The following IPO11 variants were observed in gnomAD, a reference collection of about 807,000 sequenced individuals.
IPO11 encodes the protein importin 11, also known as importin-11.
IPO11 carries 66 observed loss-of-function variants against 143.2 expected under a neutral mutation model. That is an observed-to-expected ratio of 0.46 (90% confidence interval 0.38 to 0.57). IPO11 has a LOEUF of 0.57. Ranked by LOEUF, IPO11 falls within the 20% of genes least tolerant of loss-of-function variation. IPO11 has a pLI of 0.00. For missense variants in IPO11, 1,026 were observed against 1,141.0 expected (o/e 0.90, Z 1.45); for synonymous variants, 385 against 377.8 (o/e 1.02, Z -0.22).
At chr5:62,487,717 G>T (rs1746461792) in intron 12 of IPO11, 54 bp from the exon 13 acceptor site, 1 of 1,402,782 alleles carries the variant, frequency 7.1e-7, no homozygotes, top group Non-Finnish European at 9.4e-7. Flanking sequence ...TAAAGAATTA[G>T]TCAATATAGT....
At chr5:62,435,750 C>T (rs1000067836) in intron 1 of IPO11, among the ~76,000 whole-genome samples, 1 of 151,614 alleles carries the variant, frequency 6.6e-6, no homozygotes. Flanking sequence ...TCAATCTGGC[C>T]GGGCATGGTG....
At chr5:62,589,254 GCTT>G (rs1744924149) in intron 27 of IPO11, among the ~76,000 whole-genome samples, 1 of 152,082 alleles carries the variant, frequency 6.6e-6, no homozygotes, top group Non-Finnish European at 1.5e-5. Flanking sequence ...CCCTGGACAA[GCTT>G]CTTGAAAGAA....
intron 9 of IPO11, among the ~76,000 whole-genome samples, chr5:62,478,047 C>T (rs1265558301): frequency 6.6e-6 from 1 of 152,112 alleles, no homozygotes; most frequent in African/African-American, 2.4e-5. Flanking sequence ...CTTACTTTGT[C>T]TGTGTGCTGC....
intron 29 of IPO11, among the ~76,000 whole-genome samples, chr5:62,613,609 C>T (rs1250627507): frequency 1.3e-5 from 2 of 152,082 alleles, no homozygotes; most frequent in South Asian, 4.1e-4. Flanking sequence ...GGCACACATG[C>T]TCTTCTTAAA....
At chr5:62,618,909 T>C (rs1746242997) in intron 29 of IPO11, among the ~76,000 whole-genome samples, 1 of 152,196 alleles carries the variant, frequency 6.6e-6, no homozygotes, top group African/African-American at 2.4e-5. Flanking sequence ...ATCAGTCTTT[T>C]TTTTTATGTA....
intron 6 of IPO11, among the ~76,000 whole-genome samples, chr5:62,469,206 G>A (rs1042739203): frequency 1.3e-5 from 2 of 152,168 alleles, no homozygotes; most frequent in Non-Finnish European, 2.9e-5. Flanking sequence ...CTTGTGGTGA[G>A]AAAGCATATC....
chr5:62,472,509 A>G (rs26630), intron 7 of IPO11, among the ~76,000 whole-genome samples: 102,559 of 150,160 alleles, frequency 0.68, 35,296 homozygotes, highest in African/African-American at 0.75. Flanking sequence ...TAAAGACAAC[A>G]TTTCAAATAA....
chr5:62,501,222 A>AT (rs887810731), intron 16 of IPO11, among the ~76,000 whole-genome samples: 21 of 151,038 alleles, frequency 1.4e-4, no homozygotes, highest in African/African-American at 4.1e-4. Context: ...ACACTCTCTA[A>AT]TTTTTTTTTC....
intron 24 of IPO11, among the ~76,000 whole-genome samples, chr5:62,543,663 G>T (rs1180296573): frequency 6.6e-6 from 1 of 152,000 alleles, no homozygotes; most frequent in Non-Finnish European, 1.5e-5. Flanking sequence ...TTTTTTGAAG[G>T]GTTTTTTGTG....
Position 62,530,741 on chromosome 5 carries a change from C to T in IPO11, c.2045C>T (p.Thr682Ile). Residue 682 changes from threonine (T) to isoleucine (I), a missense_variant, in exon 22 of 30, where the codon ACA becomes ATA. Transcript: ENST00000325324. ...LVTLENSPCI[T>I]PELLRIFQNM... is the part of the protein sequence containing the mutation. ...ACTTTGGAAAACAGTCCATGTATTA[C>T]ACCAGAGTTGCTTCGTATATTTCAG... 1.2e-6 allele frequency: 2 copies of T among 1,612,992 alleles called. No individual in the cohort carries two copies. The highest frequency in any genetic ancestry group is 1.7e-6 in the Non-Finnish European group (2 of 1,179,280).
At chr5:62,577,339 G>T (rs369624) in intron 27 of IPO11, among the ~76,000 whole-genome samples, 13,727 of 151,998 alleles carry the variant, frequency 0.09, 676 homozygotes, top group East Asian at 0.14. Flanking sequence ...TTTTACCTTT[G>T]CATCCTAATA....
intron 7 of IPO11, among the ~76,000 whole-genome samples, 154 bp from the exon 8 acceptor site, chr5:62,474,262 G>A (rs746061516): frequency 4.7e-4 from 71 of 152,146 alleles, no homozygotes; most frequent in Non-Finnish European, 8.7e-4. Flanking sequence ...GTTTATAATA[G>A]TGAACTGTTT....
chr5:62,505,267 G>A (rs964628794), intron 18 of IPO11, among the ~76,000 whole-genome samples: 1 of 151,762 alleles, frequency 6.6e-6, no homozygotes, highest in African/African-American at 2.4e-5. Context: ...TCTTTATCCT[G>A]TCCTACACAC....
chr5:62,582,594 A>G (rs1251746718), intron 27 of IPO11, among the ~76,000 whole-genome samples: 1 of 152,216 alleles, frequency 6.6e-6, no homozygotes, highest in African/African-American at 2.4e-5. Flanking sequence ...CTGGAAATGT[A>G]TGATGCACCC....
chr5:62,559,706 C>T (rs1163207889), intron 26 of IPO11, among the ~76,000 whole-genome samples: 1 of 151,626 alleles, frequency 6.6e-6, no homozygotes, highest in Admixed American at 6.6e-5. Context: ...CACCTTAGGT[C>T]CGGAGTTTGA....
At chr5:62,515,529 T>C in intron 20 of IPO11, 28 bp downstream of exon 20, 2 of 1,456,408 alleles carry the variant, frequency 1.4e-6, no homozygotes, top group East Asian at 4.7e-5. Flanking sequence ...AGAGTTTTTT[T>C]AGTTTAGTGG....
At chr5:62,586,677 G>C (rs1744784299) in intron 27 of IPO11, among the ~76,000 whole-genome samples, 1 of 147,990 alleles carries the variant, frequency 6.8e-6, no homozygotes, top group African/African-American at 2.5e-5. Flanking sequence ...TTTGAACCCA[G>C]GAGGTGGAGA....
At chr5:62,464,016 G>A (rs369910576) in intron 5 of IPO11, among the ~76,000 whole-genome samples, 85 of 151,754 alleles carry the variant, frequency 5.6e-4, no homozygotes, top group Middle Eastern at 3.4e-3. Context: ...TAGAGACGGC[G>A]TTTCGCTGTG....
intron 28 of IPO11, among the ~76,000 whole-genome samples, chr5:62,592,256 A>C (rs1745050703): frequency 6.6e-6 from 1 of 152,028 alleles, no homozygotes; most frequent in East Asian, 1.9e-4. Flanking sequence ...TTAGTCTATA[A>C]GTCTTTTTCC....
Sources: allele counts gnomAD v4.1 joint callset (sites outside exome capture counted in the v4.1 genomes callset), GRCh38; gene constraint gnomAD v4.1.1; transcripts MANE v1.5; gene names NCBI Gene and HGNC (gene_info 2026-07-23, HGNC 2026-07-21).